The following PCDHGA1 variants were observed in gnomAD, a reference collection of about 807,000 sequenced individuals.
The protein encoded by PCDHGA1 is protocadherin gamma subfamily A, 1, also known as protocadherin gamma-A1.
PCDHGA1 carries 32 observed loss-of-function variants against 58.0 expected under a neutral mutation model. The ratio of observed to expected loss-of-function variants is 0.55; its 90% confidence interval spans 0.42 to 0.74. The LOEUF is 0.74. PCDHGA1 is among the 30% of genes least tolerant of loss of function. The pLI, the probability that PCDHGA1 is intolerant of heterozygous loss-of-function variation, is 0.00. For missense variants in PCDHGA1, 1,205 were observed against 1,182.3 expected (o/e 1.02, Z -0.28); for synonymous variants, 498 against 501.1 (o/e 0.99, Z 0.08).
intron 1 of PCDHGA1, chr5:141,351,220 A>T: frequency 4.3e-6 from 7 of 1,614,038 alleles, no homozygotes; most frequent in Non-Finnish European, 5.9e-6. Context: ...CTAAGGATGG[A>T]GGAGTACACA....
chr5:141,350,658 A>C, intron 1 of PCDHGA1: 11 of 1,614,022 alleles, frequency 6.8e-6, no homozygotes, highest in African/African-American at 2.7e-5. Context: ...TTCGTTGCAA[A>C]AGGCATTGAC....
intron 1 of PCDHGA1, chr5:141,478,544 C>G (rs1371505487): frequency 6.2e-7 from 1 of 1,605,660 alleles, no homozygotes; most frequent in Admixed American, 1.7e-5. Flanking sequence ...CCCTCCCGGA[C>G]AGGTAAGGTT....
chr5:141,377,843 A>C (rs1774391445), intron 1 of PCDHGA1: 1 of 152,166 alleles, frequency 6.6e-6, no homozygotes, highest in Admixed American at 6.5e-5. Flanking sequence ...ATTATCTTCC[A>C]ATTAAAATTA....
rs1554175372 is a variant in PCDHGA1, at chr5:141,490,827, G to A, written c.2422-3980G>A. ...CCTTTGACTATGAATTGCTGCAGAT[G>A]CTGCAGATTGTGGTGGGGGTTCGAG... On this transcript the variant is annotated intron_variant, in intron 1 of 3. Transcript: ENST00000517417. This position sits in a 1 kb window ranked among gnomAD's most constrained non-coding sequence, Gnocchi z 5.4. 1 of 1,613,744 alleles carries A rather than the reference G, an allele frequency of 6.2e-7. No individual in the cohort carries two copies. Among genetic ancestry groups the A allele is most frequent in the Non-Finnish European group, 8.5e-7 (1 of 1,179,828 alleles).
At chr5:141,371,305 T>A in intron 1 of PCDHGA1, 1 of 1,613,940 alleles carries the variant, frequency 6.2e-7, no homozygotes, top group Non-Finnish European at 8.5e-7. Context: ...CTCACCACTA[T>A]TGGAGAACTG....
At chr5:141,336,146 G>T (rs1756602717) in intron 1 of PCDHGA1, among the ~76,000 whole-genome samples, 1 of 152,164 alleles carries the variant, frequency 6.6e-6, no homozygotes, top group Non-Finnish European at 1.5e-5. Context: ...TTCTGAGGAT[G>T]AAATAATGGA....
chr5:141,457,466 A>C (rs1404739941), intron 1 of PCDHGA1, among the ~76,000 whole-genome samples: 1 of 152,356 alleles, frequency 6.6e-6, no homozygotes, highest in East Asian at 1.9e-4. Context: ...ATTCACAGGA[A>C]TAAGCAGGGC....
intron 1 of PCDHGA1, among the ~76,000 whole-genome samples, chr5:141,434,579 A>T (rs931282309): frequency 6.6e-6 from 1 of 152,232 alleles, no homozygotes; most frequent in African/African-American, 2.4e-5. Context: ...CCTGCTGCAG[A>T]TAACTACCTC....
In PCDHGA1 at chr5:141,431,048, A is replaced by G; in HGVS notation, c.2422-63759A>G. The G allele has an allele frequency of 6.2e-7, 1 of 1,614,180 alleles. No homozygotes were observed. Among genetic ancestry groups the G allele is most frequent in the Non-Finnish European group, 8.5e-7 (1 of 1,180,018 alleles). The stretch of plus-strand genomic sequence containing the variant: ...CAGGATAGACCGGGAGGAGCTCTGT[A>G]TGGGGGCCATCAAGTGTCAATTAAA... On this transcript the variant is annotated intron_variant, in intron 1 of 3. Coordinates refer to ENST00000517417, the MANE Select transcript of PCDHGA1 (RefSeq NM_018912.3). This position sits in a 1 kb window ranked among gnomAD's most constrained non-coding sequence, Gnocchi z 4.8.
rs1047637676 is a variant in PCDHGA1, at chr5:141,449,606, A to G, written c.2422-45201A>G. The stretch of plus-strand genomic sequence containing the variant: ...TCTGTCTCAAAAAAAAAAAAAAAAA[A>G]AGTAAAAAAGTTTTTTAAAAAGATG... On this transcript the variant is annotated intron_variant, in intron 1 of 3. Transcript: ENST00000517417. 3.9e-3 allele frequency among the ~76,000 whole-genome samples: 591 copies of G among 150,802 alleles called. 2 individuals carry two copies. The highest frequency in any genetic ancestry group is 0.01 in the Middle Eastern group (3 of 290).
intron 3 of PCDHGA1, among the ~76,000 whole-genome samples, chr5:141,510,375 G>A (rs980966602): frequency 3.4e-5 from 5 of 148,132 alleles, no homozygotes; most frequent in East Asian, 2.0e-4. Context: ...ATCTCTACTC[G>A]TGCCAGGCCT....
At chr5:141,409,148 A>C (rs2154541051) in intron 1 of PCDHGA1, 1 of 1,614,056 alleles carries the variant, frequency 6.2e-7, no homozygotes. Context: ...AGAAAGGTAC[A>C]CCATGGAAGT....
chr5:141,406,159 A>G (rs1237857279), intron 1 of PCDHGA1, among the ~76,000 whole-genome samples: 3 of 151,234 alleles, frequency 2.0e-5, no homozygotes, highest in Non-Finnish European at 2.9e-5. Context: ...TGCAGTCTCA[A>G]TCTCCTGGGC....
chr5:141,374,154 G>C (rs376984494), intron 1 of PCDHGA1: 38 of 1,611,790 alleles, frequency 2.4e-5, no homozygotes, highest in Admixed American at 8.4e-5. Flanking sequence ...GGGACGCTGT[G>C]GGGGGCCGCG....
At chr5:141,355,688 G>C (rs751731556) in intron 1 of PCDHGA1, 1 of 1,613,990 alleles carries the variant, frequency 6.2e-7, no homozygotes, top group Non-Finnish European at 8.5e-7. Flanking sequence ...CCGGATGTAG[G>C]TGTAAACTCC....
intron 1 of PCDHGA1, among the ~76,000 whole-genome samples, chr5:141,429,826 C>T (rs1211415098): frequency 2.6e-5 from 4 of 152,054 alleles, no homozygotes; most frequent in Non-Finnish European, 4.4e-5. Context: ...GGTCAGTTAC[C>T]CAGGAAAAGG....
rs141151122 is a variant in PCDHGA1, at chr5:141,491,445, C to T, written c.2422-3362C>T. ...GAGGGCAGTGCTGCAGGCGCCAGGA[C>T]TCACCCTCCCCGGACTTCTATAAGC... is the stretch of plus-strand genomic sequence containing the variant. On this transcript the variant is annotated intron_variant, in intron 1 of 3. Transcript: ENST00000517417. This position sits in a 1 kb window ranked among gnomAD's most constrained non-coding sequence, Gnocchi z 6.9. 1 of 1,614,112 alleles carries T rather than the reference C, an allele frequency of 6.2e-7. No individual in the cohort carries two copies. The highest frequency in any genetic ancestry group is 8.5e-7 in the Non-Finnish European group (1 of 1,180,032).
chr5:141,374,681 C>G, intron 1 of PCDHGA1: 1 of 1,610,216 alleles, frequency 6.2e-7, no homozygotes, highest in Non-Finnish European at 8.5e-7. Context: ...GGAGGGCACA[C>G]TGGACCGGGA....
At chr5:141,469,374 A>G (rs1270202528) in intron 1 of PCDHGA1, among the ~76,000 whole-genome samples, 1 of 152,076 alleles carries the variant, frequency 6.6e-6, no homozygotes, top group Non-Finnish European at 1.5e-5. Flanking sequence ...AAAGAGATCG[A>G]GACCATCCTG....
Sources: gnomAD v4.1 joint callset for allele counts (sites outside exome capture counted in the v4.1 genomes callset) on GRCh38, gnomAD v4.1.1 for gene constraint, Gnocchi (gnomAD v3.1) non-coding constraint, MANE v1.5 for transcripts, NCBI Gene and HGNC (gene_info 2026-07-23, HGNC 2026-07-21) for gene names.